Variants in PTPRD observed in about 807,000 individuals in gnomAD.
PTPRD encodes the protein receptor-type tyrosine-protein phosphatase delta.
PTPRD carries 34 observed loss-of-function variants against 214.5 expected under a neutral mutation model. The observed-to-expected ratio is 0.16, with a 90% CI of 0.12 to 0.21. The LOEUF is 0.21. PTPRD is among the 10% of genes least tolerant of loss of function. The probability of loss-of-function intolerance (pLI) is 1.00; values close to 1 mark genes in which losing one functional copy is unlikely to be tolerated. For synonymous variants in PTPRD, 1,128 were observed against 845.7 expected, an observed-to-expected ratio of 1.33 and a Z score of -5.79; for missense variants, 2,545 against 2,398.7, an observed-to-expected ratio of 1.06 and a Z score of -1.27.
chr9:10,255,552 C>T lies in PTPRD; in HGVS notation c.-545+85411G>A, dbSNP rs541843723. On this transcript the variant is annotated intron_variant, in intron 3 of 45. Transcript: ENST00000381196. ...GGTGAGAGGTGCGCGAATATAAAGG[C>T]CTAGGACATTACACTACTATAGATT... Among the ~76,000 whole-genome samples, 4 of 152,158 alleles carry T rather than the reference C, an allele frequency of 2.6e-5. No homozygotes were observed. The East Asian group carries it at 5.8e-4, about 22-fold the overall frequency.
intron 2 of PTPRD, among the ~76,000 whole-genome samples, chr9:10,570,206 C>T (rs1033616986): frequency 7.9e-5 from 12 of 152,134 alleles, no homozygotes; most frequent in African/African-American, 1.9e-4. Flanking sequence ...GTTATCCATA[C>T]TCTCCATTTT....
In PTPRD at chr9:8,561,861, A is replaced by C. The variant is rs186572225; in HGVS notation, c.353-33082T>G. Among the ~76,000 whole-genome samples, 955 of 152,004 alleles carry C rather than the reference A, an allele frequency of 6.3e-3. 7 individuals are homozygous for C. The highest frequency in any genetic ancestry group is 0.022 in the African/African-American group (914 of 41,418). ...ATATTTATATATATTTAGTGATCTAAATGTTTCCAGTGCCAAAGTTAGATG... is the reference window on the plus strand; with the variant it reads ...ATATTTATATATATTTAGTGATCTACATGTTTCCAGTGCCAAAGTTAGATG... On this transcript the variant is annotated intron_variant, in intron 14 of 45. Coordinates refer to ENST00000381196, the MANE Select transcript of PTPRD (RefSeq NM_002839.4).
At chr9:10,299,438 G>C (rs1324598515) in intron 3 of PTPRD, among the ~76,000 whole-genome samples, 2 of 152,134 alleles carry the variant, frequency 1.3e-5, no homozygotes, top group Middle Eastern at 3.2e-3. Context: ...TTATGAAAAA[G>C]ATGTTAACAT....
At chr9:10,065,180 A>AAAGAAAGAAAGAAAGAAAGG (rs147434150) in intron 3 of PTPRD, among the ~76,000 whole-genome samples, 5,881 of 150,268 alleles carry the variant, frequency 0.039, 192 homozygotes, top group Non-Finnish European at 0.054. Flanking sequence ...AGAAAGAAAG[A>AAAGAAAGAAAGAAAGAAAGG]AAGAAAGAAA....
At chr9:9,341,365 C>T (rs373880354) in intron 9 of PTPRD, among the ~76,000 whole-genome samples, 1 of 152,104 alleles carries the variant, frequency 6.6e-6, no homozygotes, top group Non-Finnish European at 1.5e-5. Flanking sequence ...GTTGCTCCAA[C>T]GTGAACTCAT....
intron 11 of PTPRD, among the ~76,000 whole-genome samples, chr9:8,779,158 G>A (rs994860578): frequency 1.3e-5 from 2 of 152,154 alleles, no homozygotes; most frequent in African/African-American, 4.8e-5. Flanking sequence ...CATAGCAGAA[G>A]GCTGACAGAA....
intron 2 of PTPRD, among the ~76,000 whole-genome samples, chr9:10,566,030 G>C (rs1443770349): frequency 6.6e-6 from 1 of 151,782 alleles, no homozygotes; most frequent in South Asian, 2.1e-4. Context: ...TATGTTAATG[G>C]AAACATACTA....
intron 32 of PTPRD, among the ~76,000 whole-genome samples, chr9:8,462,036 A>G (rs2096422908): frequency 6.6e-6 from 1 of 151,732 alleles, no homozygotes; most frequent in South Asian, 2.1e-4. Context: ...TTAACTATCA[A>G]CCTCCATGCA....
At chr9:8,469,729 C>G (rs13292224) in intron 31 of PTPRD, among the ~76,000 whole-genome samples, 1 of 151,958 alleles carries the variant, frequency 6.6e-6, no homozygotes, top group Non-Finnish European at 1.5e-5. Flanking sequence ...AATAATGTCT[C>G]ATTTTACACA....
intron 11 of PTPRD, among the ~76,000 whole-genome samples, chr9:8,786,151 G>T (rs1235633036): frequency 6.6e-6 from 1 of 151,958 alleles, no homozygotes; most frequent in Non-Finnish European, 1.5e-5. Flanking sequence ...GAGGGATTCA[G>T]CATTACTATG....
intron 3 of PTPRD, among the ~76,000 whole-genome samples, chr9:10,239,257 TGATA>T (rs368475587): frequency 7.2e-4 from 109 of 152,036 alleles, no homozygotes; most frequent in African/African-American, 2.5e-3. Context: ...TGATGATGTT[TGATA>T]GAATTATACA....
chr9:10,000,010 A>T (rs1330216714), intron 4 of PTPRD, among the ~76,000 whole-genome samples: 1 of 152,206 alleles, frequency 6.6e-6, no homozygotes, highest in African/African-American at 2.4e-5. Flanking sequence ...AAAAAATTTA[A>T]TAATTAAAGG....
At chr9:8,809,068 T>C (rs6477357) in intron 11 of PTPRD, among the ~76,000 whole-genome samples, 117,263 of 151,446 alleles carry the variant, frequency 0.77, 45,661 homozygotes, top group African/African-American at 0.86. Flanking sequence ...AGCTTGGTTT[T>C]CAAGGTCACC....
rs562902998 is a variant in PTPRD at position 9,299,923 on chromosome 9, G to T, written c.-203+97526C>A. Among the ~76,000 whole-genome samples the T allele has an allele frequency of 5.3e-5, 8 of 150,044 alleles. No homozygotes were observed. The South Asian group carries it at 1.7e-3, about 32-fold the overall frequency. Reference sequence around the variant, plus strand: ...AATTTATACATTTTTTACTCTACGTGACAGCTATAGGCCTAAATATTCCTC... The same window carrying T: ...AATTTATACATTTTTTACTCTACGTTACAGCTATAGGCCTAAATATTCCTC... On this transcript the variant is annotated intron_variant, in intron 9 of 45. Transcript: ENST00000381196.
At chr9:8,522,702 G>C (rs2097915176) in intron 19 of PTPRD, among the ~76,000 whole-genome samples, 1 of 152,138 alleles carries the variant, frequency 6.6e-6, no homozygotes, top group Admixed American at 6.5e-5. Context: ...AAGTAAATGT[G>C]TTTTGGATGT....
chr9:9,465,928 C>T (rs1569568577), intron 8 of PTPRD, among the ~76,000 whole-genome samples: 1 of 147,616 alleles, frequency 6.8e-6, no homozygotes, highest in African/African-American at 2.5e-5. Context: ...ACATATCAGC[C>T]ACAGTGACCA....
chr9:9,871,829 T>G (rs2065534068), intron 5 of PTPRD, among the ~76,000 whole-genome samples: 2 of 152,110 alleles, frequency 1.3e-5, no homozygotes, highest in African/African-American at 4.8e-5. Flanking sequence ...GAAAGGGGCC[T>G]GGGGGGAGGG....
At chr9:9,737,565 T>C (rs900870018) in intron 6 of PTPRD, among the ~76,000 whole-genome samples, 4 of 152,162 alleles carry the variant, frequency 2.6e-5, no homozygotes, top group East Asian at 3.9e-4. Context: ...GATTTGCCTA[T>C]TCTGTACACT....
intron 5 of PTPRD, among the ~76,000 whole-genome samples, chr9:9,839,766 C>T (rs1446129043): frequency 6.6e-6 from 1 of 152,128 alleles, no homozygotes; most frequent in African/African-American, 2.4e-5. Context: ...GCTAAAAGAA[C>T]AAAGCTGGAG....
Sources: gnomAD v4.1 joint callset for allele counts (sites outside exome capture counted in the v4.1 genomes callset) on GRCh38, gnomAD v4.1.1 for gene constraint, MANE v1.5 for transcripts, NCBI Gene and HGNC (gene_info 2026-07-23, HGNC 2026-07-21) for gene names.